RBMS3: variants seen among roughly 807,000 people sequenced by gnomAD.
RBMS3 encodes the protein RNA-binding motif, single-stranded-interacting protein 3.
In RBMS3, 27 loss-of-function variants were observed where a neutral mutation model predicts 66.8. That is an observed-to-expected ratio of 0.40 (90% confidence interval 0.30 to 0.56). The LOEUF is 0.56. Ranked by LOEUF, RBMS3 falls within the 20% of genes least tolerant of loss-of-function variation. RBMS3 has a pLI of 0.40. For missense variants in RBMS3, 513 were observed against 549.5 expected (o/e 0.93, Z 0.66); for synonymous variants, 188 against 183.0 (o/e 1.03, Z -0.22).
intron 4 of RBMS3, among the ~76,000 whole-genome samples, chr3:29,594,304 T>A (rs1407079970): frequency 6.6e-6 from 1 of 152,158 alleles, no homozygotes; most frequent in East Asian, 1.9e-4. Context: ...AATTGATCAG[T>A]AAATTTTTAT....
At chr3:29,666,564 C>T (rs193139677) in intron 4 of RBMS3, among the ~76,000 whole-genome samples, 1 of 152,188 alleles carries the variant, frequency 6.6e-6, no homozygotes, top group East Asian at 1.9e-4. Flanking sequence ...AATGAGAAAG[C>T]TAACTCCTTT....
chr3:29,561,438 G>T (rs962108613), intron 3 of RBMS3, among the ~76,000 whole-genome samples: 142 of 117,892 alleles, frequency 1.2e-3, no homozygotes, highest in African/African-American at 4.6e-3. Flanking sequence ...TGTTTTTGTT[G>T]TTGTTGTTGT....
intron 5 of RBMS3, among the ~76,000 whole-genome samples, chr3:29,748,572 A>G (rs2055030485): frequency 6.6e-6 from 1 of 152,198 alleles, no homozygotes; most frequent in African/African-American, 2.4e-5. Context: ...AAGAACATGA[A>G]GATAATGGTA....
chr3:29,798,145 A>G (rs1052987609), intron 6 of RBMS3, among the ~76,000 whole-genome samples: 1 of 151,504 alleles, frequency 6.6e-6, no homozygotes, highest in African/African-American at 2.4e-5. Flanking sequence ...CAATAGTAAC[A>G]TCAAAGAATA....
chr3:29,606,306 A>G (rs1319104073), intron 4 of RBMS3, among the ~76,000 whole-genome samples: 1 of 151,930 alleles, frequency 6.6e-6, no homozygotes, highest in Non-Finnish European at 1.5e-5. Context: ...GTTTATGCAA[A>G]TATTTATGGA....
intron 1 of RBMS3, among the ~76,000 whole-genome samples, chr3:29,335,234 A>T (rs2125523043): frequency 6.6e-6 from 1 of 152,234 alleles, no homozygotes; most frequent in African/African-American, 2.4e-5. Context: ...TAGAGCAAAC[A>T]TTATTTACTC....
intron 6 of RBMS3, among the ~76,000 whole-genome samples, chr3:29,828,095 A>G (rs1191729989): frequency 6.6e-6 from 1 of 151,966 alleles, no homozygotes. Flanking sequence ...AGAGAGAGAG[A>G]CAGAGAGAAT....
chr3:29,349,586 G>A (rs951360410), intron 1 of RBMS3, among the ~76,000 whole-genome samples: 1 of 152,192 alleles, frequency 6.6e-6, no homozygotes, highest in African/African-American at 2.4e-5. Flanking sequence ...TTTAACACAA[G>A]TCCTTCTTCC....
intron 14 of RBMS3, among the ~76,000 whole-genome samples, chr3:30,000,244 A>G (rs190953816): frequency 6.6e-6 from 1 of 152,348 alleles, no homozygotes; most frequent in East Asian, 1.9e-4. Context: ...ATGAACAGAC[A>G]CTTCTCAAAA....
At chr3:29,448,805 A>G (rs2041921564) in intron 2 of RBMS3, among the ~76,000 whole-genome samples, 1 of 152,166 alleles carries the variant, frequency 6.6e-6, no homozygotes, top group Non-Finnish European at 1.5e-5. Context: ...ATTCCCAATG[A>G]GGTAACCTTA....
At chr3:29,462,710 T>C (rs990064422) in intron 2 of RBMS3, among the ~76,000 whole-genome samples, 4 of 152,234 alleles carry the variant, frequency 2.6e-5, no homozygotes, top group African/African-American at 9.6e-5. Context: ...TGTATATTCA[T>C]AGATTGCTAC....
intron 2 of RBMS3, among the ~76,000 whole-genome samples, chr3:29,441,080 A>G (rs2041602537): frequency 6.6e-6 from 1 of 152,216 alleles, no homozygotes; most frequent in Admixed American, 6.5e-5. Context: ...TCTGCAAGTC[A>G]GACTCAAATT....
chr3:29,522,764 TA>T (rs2044912716), intron 3 of RBMS3, among the ~76,000 whole-genome samples: 3 of 152,252 alleles, frequency 2.0e-5, no homozygotes, highest in Admixed American at 2.0e-4. Context: ...TACTGGAATC[TA>T]GTTGACAAAG....
In RBMS3 at chr3:29,328,646, G is replaced by T. The variant is rs116550820; in HGVS notation, c.75+46890G>T. ...AATTGTTCTCTCTTTTCTTCACTTAGTTAACTTTTATTTTTCCTTCTAATG... is the reference window on the plus strand; with the variant it reads ...AATTGTTCTCTCTTTTCTTCACTTATTTAACTTTTATTTTTCCTTCTAATG... On this transcript the variant is annotated intron_variant, in intron 1 of 14. Coordinates refer to ENST00000383767, the MANE Select transcript of RBMS3 (RefSeq NM_001003793.3). 3.1e-3 allele frequency among the ~76,000 whole-genome samples: 466 copies of T among 152,144 alleles called. 2 individuals carry two copies. Among genetic ancestry groups the T allele is most frequent in the African/African-American group, 0.011 (446 of 41,488 alleles).
chr3:29,500,397 A>C (rs972458524), intron 3 of RBMS3, among the ~76,000 whole-genome samples: 1 of 149,436 alleles, frequency 6.7e-6, no homozygotes, highest in Non-Finnish European at 1.5e-5. Context: ...ACCAAATAAG[A>C]ATAACTCCAA....
chr3:29,442,280 A>T (rs1421922739), intron 2 of RBMS3, among the ~76,000 whole-genome samples: 1 of 152,100 alleles, frequency 6.6e-6, no homozygotes, highest in Non-Finnish European at 1.5e-5. Context: ...TACATCTCCT[A>T]GTGTTTTGGG....
intron 1 of RBMS3, among the ~76,000 whole-genome samples, chr3:29,373,073 A>G (rs1471640400): frequency 1.3e-5 from 2 of 152,150 alleles, no homozygotes; most frequent in African/African-American, 4.8e-5. Flanking sequence ...TAATACCACA[A>G]AGCAGGTGCT....
At chr3:29,338,435 GT>G (rs2036080448) in intron 1 of RBMS3, among the ~76,000 whole-genome samples, 1 of 152,102 alleles carries the variant, frequency 6.6e-6, no homozygotes, top group Non-Finnish European at 1.5e-5. Context: ...TCCTGTAAAG[GT>G]TTAGAATAGT....
intron 6 of RBMS3, among the ~76,000 whole-genome samples, chr3:29,826,705 T>C (rs1407366553): frequency 6.6e-6 from 1 of 152,316 alleles, no homozygotes. Context: ...ATCACCTACA[T>C]TTCTTAGATC....
Sources: allele counts gnomAD v4.1 joint callset (sites outside exome capture counted in the v4.1 genomes callset), GRCh38; gene constraint gnomAD v4.1.1; transcripts MANE v1.5; gene names NCBI Gene and HGNC (gene_info 2026-07-23, HGNC 2026-07-21).